SLCO5A1: variants seen among roughly 807,000 people sequenced by gnomAD.
The protein encoded by SLCO5A1 is organic anion transporter polypeptide-related protein 4.
Under a neutral mutation model 65.1 loss-of-function variants are expected in SLCO5A1, and 39 were observed. The observed-to-expected ratio is 0.60, with a 90% confidence interval of 0.46 to 0.78. The LOEUF (loss-of-function observed/expected upper bound fraction) is 0.78. Ranked by LOEUF, SLCO5A1 falls within the 30% of genes least tolerant of loss-of-function variation. SLCO5A1 has a pLI of 0.00. For missense variants in SLCO5A1, 1,029 were observed against 1,069.4 expected (o/e 0.96, Z 0.53); for synonymous variants, 438 against 415.7 (o/e 1.05, Z -0.65).
chr8:69,743,295 C>T (rs569939979), intron 4 of SLCO5A1, among the ~76,000 whole-genome samples: 2 of 152,144 alleles, frequency 1.3e-5, no homozygotes, highest in African/African-American at 4.8e-5. Flanking sequence ...ATTTTATGCT[C>T]ATTTGTTAAA....
At chr8:69,815,647 A>AACACACACACACACACAC (rs55665513) in intron 2 of SLCO5A1, among the ~76,000 whole-genome samples, 3 of 141,190 alleles carry the variant, frequency 2.1e-5, no homozygotes, top group East Asian at 2.1e-4. Flanking sequence ...GTAAAATATC[A>AACACACACACACACACAC]ACACACACAC....
At chr8:69,716,737 T>C (rs554461354) in intron 5 of SLCO5A1, among the ~76,000 whole-genome samples, 1 of 152,246 alleles carries the variant, frequency 6.6e-6, no homozygotes, top group Non-Finnish European at 1.5e-5. Context: ...TTAGCAGATA[T>C]ATGATTTGCA....
At chr8:69,689,501 G>C (rs10957503) in intron 6 of SLCO5A1, among the ~76,000 whole-genome samples, 16,473 of 138,824 alleles carry the variant, frequency 0.12, 1,220 homozygotes, top group Non-Finnish European at 0.17. Context: ...AATCCATCTT[G>C]AATTAATTTT....
intron 2 of SLCO5A1, among the ~76,000 whole-genome samples, chr8:69,811,967 C>T (rs1820222584): frequency 6.6e-6 from 1 of 152,228 alleles, no homozygotes; most frequent in Admixed American, 6.5e-5. Flanking sequence ...AGTATGCTAG[C>T]ATCTGGATCT....
intron 6 of SLCO5A1, among the ~76,000 whole-genome samples, chr8:69,689,839 T>C (rs1442235160): frequency 6.6e-6 from 1 of 152,056 alleles, no homozygotes; most frequent in African/African-American, 2.4e-5. Context: ...TTTGGTTCTA[T>C]ATGAACTTTA....
chr8:69,673,059 T>C lies in SLCO5A1; in HGVS notation c.2357A>G (p.His786Arg). Residue 786 changes from histidine to arginine, a missense_variant, in exon 10 of 10, where the codon CAC (histidine) becomes CGC (arginine). Physicochemically the swap from His to Arg is conservative, Grantham distance 29. Around this residue, in one of 3 missense-constraint regions of SLCO5A1, gnomAD observed 258 missense variants for 237.4 expected, o/e 1.09. Transcript: ENST00000260126. ...AGATCTAGTCCGGGCATTGTCGGGG[T>C]GTCCCACTCTCTCACTCACGGTGCT... ...PLSTVSERVG[H>R]PDNARTRSCP... The C allele has an allele frequency of 6.2e-7, 1 of 1,614,168 alleles. No homozygotes were observed. Among genetic ancestry groups the C allele is most frequent in the Non-Finnish European group, 8.5e-7 (1 of 1,180,028 alleles).
At position 69,832,406 on chromosome 8, in the gene SLCO5A1, C is replaced by T; in HGVS notation, c.268G>A (p.Ala90Thr). The change falls in exon 2 of 10, where the codon GCG becomes ACG. Residue 90 changes from alanine (A) to threonine (T), a missense_variant. By Grantham distance (58) the Ala-to-Thr change is moderately conservative. This residue lies in a region of SLCO5A1 where 647 missense variants were observed against 647.5 expected (regional missense o/e 1.00). Coordinates refer to ENST00000260126, the MANE Select transcript of SLCO5A1 (RefSeq NM_030958.3). This position sits in a 1 kb window ranked among gnomAD's most constrained non-coding sequence, Gnocchi z 4.5. ...CTGTGGTTACAGTCCCCGAGCCCCGCCGAAGTGGACGGGGCAGAGGGACTG... is the reference window on the plus strand; with the variant it reads ...CTGTGGTTACAGTCCCCGAGCCCCGTCGAAGTGGACGGGGCAGAGGGACTG... ...APSPSAPSTS[A>T]GLGDCNHRVD... 6.2e-7 allele frequency: 1 copy of T among 1,612,036 alleles called. No individual in the cohort carries two copies. The highest frequency in any genetic ancestry group is 8.5e-7 in the Non-Finnish European group (1 of 1,179,148).
chr8:69,782,509 G>A (rs553701554), intron 2 of SLCO5A1, among the ~76,000 whole-genome samples: 6 of 150,960 alleles, frequency 4.0e-5, no homozygotes, highest in African/African-American at 9.7e-5. Context: ...GGGCCCAGGA[G>A]GTCAAGGCTG....
At chr8:69,705,322 A>T in intron 5 of SLCO5A1, 93 bp from the exon 6 acceptor site, 1 of 1,123,660 alleles carries the variant, frequency 8.9e-7, no homozygotes, top group South Asian at 1.5e-5. Context: ...TACTGAGGTA[A>T]AAAATCAAAA....
chr8:69,714,407 C>G (rs868359927), intron 5 of SLCO5A1, among the ~76,000 whole-genome samples: 1 of 152,184 alleles, frequency 6.6e-6, no homozygotes, highest in African/African-American at 2.4e-5. Context: ...CCTGAAGAAG[C>G]CTTTAGGCAG....
In SLCO5A1 at chr8:69,672,718, T is replaced by C. The variant is rs1281849417; in HGVS notation, c.*151A>G. Reference sequence around the variant, plus strand: ...TCTTGTTGAGGTATCCAGCCCTCAATGAATAGCGGCTGTGTATACTGAGTT... The same window carrying C: ...TCTTGTTGAGGTATCCAGCCCTCAACGAATAGCGGCTGTGTATACTGAGTT... On this transcript the variant is annotated 3_prime_UTR_variant, in exon 10 of 10. Transcript: ENST00000260126. 2.5e-6 allele frequency: 2 copies of C among 803,154 alleles called. No individual in the cohort carries two copies. The highest frequency in any genetic ancestry group is 3.8e-6 in the Non-Finnish European group (2 of 524,192). 49.8% of individuals were successfully genotyped at this position (803,154 alleles called of 1,614,324 possible). A position where few individuals can be genotyped will look rare whatever the true frequency, so the allele number is the denominator to read the frequency against.
At chr8:69,802,849 T>C (rs1223137792) in intron 2 of SLCO5A1, among the ~76,000 whole-genome samples, 1 of 152,206 alleles carries the variant, frequency 6.6e-6, no homozygotes, top group Non-Finnish European at 1.5e-5. Flanking sequence ...AAACATTACA[T>C]GATATATGTC....
intron 2 of SLCO5A1, among the ~76,000 whole-genome samples, chr8:69,789,771 A>G (rs771081524): frequency 2.5e-4 from 38 of 152,366 alleles, no homozygotes; most frequent in Middle Eastern, 6.8e-3. Context: ...TAATATATGT[A>G]TCCTACAACA....
At position 69,826,513 on chromosome 8, in the gene SLCO5A1, A is replaced by G. The variant is rs1027930924; in HGVS notation, c.907+5254T>C. ...CTCAAAAGAAGACATTTATGCAGCC[A>G]AAAAACACACGAAAAAATGCTCACC... On this transcript the variant is annotated intron_variant, in intron 2 of 9. Transcript: ENST00000260126. Among the ~76,000 whole-genome samples the G allele has an allele frequency of 5.3e-3, 813 of 152,332 alleles. 3 individuals carry two copies. Among genetic ancestry groups the G allele is most frequent in the African/African-American group, 0.018 (758 of 41,570 alleles).
Position 69,747,371 on chromosome 8 carries a change from T to A in SLCO5A1, c.1258+8053A>T, listed in dbSNP as rs190053865. On this transcript the variant is annotated intron_variant, in intron 4 of 9. Transcript: ENST00000260126. ...GTCCTCTATATCCATGGATTCTGCA[T>A]CCATGGATTCTGCATCCATGGATTC... Among the ~76,000 whole-genome samples, 355 of 152,090 alleles carry A rather than the reference T, an allele frequency of 2.3e-3. 6 individuals carry two copies. Among genetic ancestry groups the A allele is most frequent in the Admixed American group, 0.019 (288 of 15,274 alleles).
chr8:69,790,379 A>G (rs1026649866), intron 2 of SLCO5A1, among the ~76,000 whole-genome samples: 2 of 152,096 alleles, frequency 1.3e-5, no homozygotes, highest in Non-Finnish European at 2.9e-5. Flanking sequence ...AAATTAAAAA[A>G]TGTAATAATA....
intron 5 of SLCO5A1, among the ~76,000 whole-genome samples, chr8:69,710,300 T>A (rs1224596031): frequency 6.6e-6 from 1 of 151,918 alleles, no homozygotes; most frequent in Non-Finnish European, 1.5e-5. Context: ...ATTACAGGAG[T>A]GAGCCACCGC....
intron 5 of SLCO5A1, among the ~76,000 whole-genome samples, chr8:69,721,928 T>C (rs751032060): frequency 6.6e-6 from 1 of 152,082 alleles, no homozygotes; most frequent in East Asian, 1.9e-4. Flanking sequence ...TCCCAGAACT[T>C]TGGGAGGCTG....
At chr8:69,729,688 A>AAGAG (rs144843428) in intron 5 of SLCO5A1, among the ~76,000 whole-genome samples, 1 of 150,628 alleles carries the variant, frequency 6.6e-6, no homozygotes, top group Admixed American at 6.6e-5. Flanking sequence ...GAATAATTCA[A>AAGAG]AGAGAGAGAG....
Sources: allele counts gnomAD v4.1 joint callset (sites outside exome capture counted in the v4.1 genomes callset), GRCh38; gene constraint gnomAD v4.1.1; regional missense constraint gnomAD v4.1.1; non-coding constraint Gnocchi (gnomAD v3.1); transcripts MANE v1.5; gene names NCBI Gene and HGNC (gene_info 2026-07-23, HGNC 2026-07-21).